The following DNAH5 variants were observed in gnomAD, a reference collection of about 807,000 sequenced individuals.
DNAH5 encodes the protein dynein axonemal heavy chain 5.
Under a neutral mutation model 518.2 loss-of-function variants are expected in DNAH5, and 372 were observed. That is an observed-to-expected ratio of 0.72 (90% confidence interval 0.66 to 0.78). The LOEUF is 0.78. Ranked by LOEUF, DNAH5 falls within the 30% of genes least tolerant of loss-of-function variation. The pLI is 0.00. For synonymous variants in DNAH5, 2,039 were observed against 2,025.9 expected, an observed-to-expected ratio of 1.01 and a Z score of -0.17; for missense variants, 5,523 against 5,687.0, an observed-to-expected ratio of 0.97 and a Z score of 0.93.
intron 1 of DNAH5, among the ~76,000 whole-genome samples, chr5:13,955,755 A>T (rs922875449): frequency 6.6e-6 from 1 of 152,204 alleles, no homozygotes; most frequent in Non-Finnish European, 1.5e-5. Context: ...AACATTTTAA[A>T]TCACAAAAGT....
intron 1 of DNAH5, among the ~76,000 whole-genome samples, chr5:13,938,394 T>C (rs1050521187): frequency 5.3e-5 from 8 of 152,216 alleles, no homozygotes; most frequent in African/African-American, 1.9e-4. Flanking sequence ...CAATAAGATA[T>C]TTTGAGAGAG....
Position 13,783,319 on chromosome 5 carries a change from T to C in DNAH5, c.8821-2360A>G, listed in dbSNP as rs1056004608. ...TTTAGGGCTTATTTGGGGGACTTGA[T>C]TAAATTCCAGACAATGTATCCAGAT... On this transcript the variant is annotated intron_variant, in intron 52 of 78. Transcript: ENST00000265104. 2.6e-5 allele frequency among the ~76,000 whole-genome samples: 4 copies of C among 152,138 alleles called. No individual in the cohort carries two copies. In the South Asian group the frequency reaches 8.3e-4, roughly 32 times the overall value.
At chr5:13,953,166 T>C (rs16902965) in intron 1 of DNAH5, among the ~76,000 whole-genome samples, 1,795 of 152,332 alleles carry the variant, frequency 0.012, 40 homozygotes, top group African/African-American at 0.04. Context: ...ACGGATCAAA[T>C]GTCCCTTCAG....
intron 35 of DNAH5, among the ~76,000 whole-genome samples, chr5:13,833,441 C>CAAAAA: frequency 1.5e-5 from 1 of 66,190 alleles, no homozygotes; most frequent in Non-Finnish European, 3.0e-5. Context: ...AGACTCCTTC[C>CAAAAA]CAAAAAAAAA....
At chr5:13,834,860 C>A (rs1764163969) in intron 35 of DNAH5, among the ~76,000 whole-genome samples, 1 of 152,240 alleles carries the variant, frequency 6.6e-6, no homozygotes, top group Admixed American at 6.5e-5. Context: ...TTGGCTTTTA[C>A]TTTGCATGAG....
rs185435033 is a variant in DNAH5, at chr5:13,773,466, T to C, written c.9374-2486A>G. On this transcript the variant is annotated intron_variant, in intron 55 of 78. Coordinates refer to ENST00000265104, the MANE Select transcript of DNAH5 (RefSeq NM_001369.3). ...AAAGCATGTTCAGAGGGAAAAGAGG[T>C]ATATCCAAAGTTGAACTAGAGAAAG... is the stretch of plus-strand genomic sequence containing the variant. 1.4e-4 allele frequency among the ~76,000 whole-genome samples: 21 copies of C among 151,954 alleles called. No homozygotes were observed. The South Asian group carries it at 2.5e-3, about 18-fold the overall frequency.
chr5:13,966,080 G>A (rs550079076), intron 1 of DNAH5, among the ~76,000 whole-genome samples: 2 of 151,302 alleles, frequency 1.3e-5, no homozygotes, highest in Non-Finnish European at 2.9e-5. Context: ...GAGAACATAC[G>A]ATGTTTGGTT....
At chr5:13,897,659 T>A (rs1366661077) in intron 15 of DNAH5, 1 of 152,364 alleles carries the variant, frequency 6.6e-6, no homozygotes, top group East Asian at 1.9e-4. Flanking sequence ...GATGGTCACC[T>A]AAACCTGCCA....
Position 13,768,955 on chromosome 5 carries a change from T to C in DNAH5, c.9897+5A>G. ...GCTGACATCTGTTATATCACATAGATGCACCTGCAATGCAGCTTCTGCCTC... is the reference window on the plus strand; with the variant it reads ...GCTGACATCTGTTATATCACATAGACGCACCTGCAATGCAGCTTCTGCCTC... On this transcript the variant is annotated splice_donor_5th_base_variant and intron_variant, in intron 58 of 78. Transcript: ENST00000265104. 1 of 1,614,126 alleles carries C rather than the reference T, an allele frequency of 6.2e-7. No homozygotes were observed. The highest frequency in any genetic ancestry group is 8.5e-7 in the Non-Finnish European group (1 of 1,179,968).
intron 27 of DNAH5, among the ~76,000 whole-genome samples, 193 bp from the exon 28 acceptor site, chr5:13,864,830 A>G (rs1768987084): frequency 1.3e-5 from 2 of 152,134 alleles, no homozygotes; most frequent in Non-Finnish European, 2.9e-5. Context: ...TGTCCTCTCC[A>G]TTAGAAAAGA....
In DNAH5 at chr5:13,865,447, C is replaced by T. The variant is rs193115963; in HGVS notation, c.4355+221G>A. Among the ~76,000 whole-genome samples the T allele has an allele frequency of 4.5e-4, 69 of 152,302 alleles. 1 individual carries two copies. In the East Asian group the frequency reaches 0.011, roughly 25 times the overall value. On this transcript the variant is annotated intron_variant, in intron 27 of 78. Coordinates refer to ENST00000265104, the MANE Select transcript of DNAH5 (RefSeq NM_001369.3). Reference sequence around the variant, plus strand: ...CTCCCACCAAGCTGCAGAAAAGCCCCTAACATGACTCATCCTGATAGACAG... The same window carrying T: ...CTCCCACCAAGCTGCAGAAAAGCCCTTAACATGACTCATCCTGATAGACAG...
chr5:13,883,240 T>C (rs1488521563), intron 19 of DNAH5, 146 bp from the exon 20 acceptor site: 1 of 964,358 alleles, frequency 1.0e-6, no homozygotes, highest in East Asian at 2.6e-5. Flanking sequence ...TTAAAACTAA[T>C]GGAGGATCTA....
chr5:13,920,511 C>T lies in DNAH5; in HGVS notation c.767G>A (p.Cys256Tyr). Residue 256 changes from cysteine to tyrosine, a missense_variant, in exon 6 of 79, where the codon TGC becomes TAC. This residue lies in a region of DNAH5 where 5,121 missense variants were observed against 5,223.3 expected (regional missense o/e 0.98). Coordinates refer to ENST00000265104, the MANE Select transcript of DNAH5 (RefSeq NM_001369.3). ...NPETLGKIED[C>Y]MKVWIKQTEQ... ...TGTCTGTTTGATCCATACTTTCATG[C>T]AATCCTCTATTTTTCCCAAAGTCTC... The T allele has an allele frequency of 6.2e-7, 1 of 1,614,176 alleles. No homozygotes were observed. Among genetic ancestry groups the T allele is most frequent in the South Asian group, 1.1e-5 (1 of 91,086 alleles).
In DNAH5 at chr5:13,710,006, A is replaced by G. The variant is rs146548093; in HGVS notation, c.13126-1671T>C. Among the ~76,000 whole-genome samples the G allele has an allele frequency of 1.6e-4, 25 of 152,156 alleles. 1 individual carries two copies. The highest frequency in any genetic ancestry group is 2.1e-4 in the South Asian group (1 of 4,830). On this transcript the variant is annotated intron_variant, in intron 75 of 78. Coordinates refer to ENST00000265104, the MANE Select transcript of DNAH5 (RefSeq NM_001369.3). ...ACCACCTCCTGACAGGAGGTCAACC[A>G]GCACAAAAACAGAGCATTAAACCAC...
In DNAH5 at chr5:13,714,432, C is replaced by T. The variant is rs776441005; in HGVS notation, c.13098G>A (p.Lys4366=). 2 of 1,614,206 alleles carry T rather than the reference C, an allele frequency of 1.2e-6. No individual in the cohort carries two copies. The highest frequency in any genetic ancestry group is 2.2e-5 in the South Asian group (2 of 91,088). Residue 4366 remains lysine (K), a synonymous_variant, in exon 75 of 79, where the codon AAG becomes AAA. Transcript: ENST00000265104. ...CAAAGGGGACATAGTCTGGGGGCAG[C>T]TTCTCCAGCATATCATCAGCCAGCC... ...VARLADDMLE[K]LPPDYVPFEV...
intron 47 of DNAH5, among the ~76,000 whole-genome samples, chr5:13,795,757 T>C (rs1757727253): frequency 6.6e-6 from 1 of 151,624 alleles, no homozygotes; most frequent in Admixed American, 6.6e-5. Flanking sequence ...AAAAAGAGAG[T>C]TTTAGACCAA....
Position 13,754,356 on chromosome 5 carries a change from C to A in DNAH5, c.10420-18G>T. On this transcript the variant is annotated intron_variant, in intron 61 of 78. Coordinates refer to ENST00000265104, the MANE Select transcript of DNAH5 (RefSeq NM_001369.3). ...AGCAAGGTCTAACAAAGGTCATAAT[C>A]ACAAGAAAGCTTTTACTGAAATAAA... 2 of 1,613,980 alleles carry A rather than the reference C, an allele frequency of 1.2e-6. No homozygotes were observed. The highest frequency in any genetic ancestry group is 1.7e-6 in the Non-Finnish European group (2 of 1,179,896).
In DNAH5 at chr5:13,916,385, T is replaced by C. The variant is rs1561565393; in HGVS notation, c.1160A>G (p.Tyr387Cys). The C allele has an allele frequency of 6.5e-6, 10 of 1,529,326 alleles. No homozygotes were observed. Among genetic ancestry groups the C allele is most frequent in the Non-Finnish European group, 9.1e-6 (10 of 1,104,804 alleles). The allele number at this position is 1,529,326 out of a possible 1,614,324, so 94.7% of individuals were successfully genotyped here. A position where few individuals can be genotyped will look rare whatever the true frequency, so the allele number is the denominator to read the frequency against. Residue 387 changes from tyrosine to cysteine, a missense_variant, in exon 9 of 79, where the codon TAT (tyrosine) becomes TGT (cysteine). This residue lies in a region of DNAH5 where 5,121 missense variants were observed against 5,223.3 expected (regional missense o/e 0.98). Transcript: ENST00000265104. ...IKMIYSISHY[Y>C]NTSEKITSLF... ...AGATGTGATCTTCTCAGAGGTATTA[T>C]AGTAATGAGAGATACTATAGATCAT...
intron 5 of DNAH5, 147 bp downstream of exon 5, chr5:13,921,960 T>A (rs2151995136): frequency 2.6e-6 from 2 of 778,348 alleles, no homozygotes; most frequent in East Asian, 5.4e-5. Flanking sequence ...CACCACATCT[T>A]GAAGGAGCAA....
Sources: gnomAD v4.1 joint callset for allele counts (sites outside exome capture counted in the v4.1 genomes callset) on GRCh38, gnomAD v4.1.1 for gene constraint, gnomAD v4.1.1 regional missense constraint, MANE v1.5 for transcripts, NCBI Gene and HGNC (gene_info 2026-07-23, HGNC 2026-07-21) for gene names.